The following GOLIM4 variants were observed in gnomAD, a reference collection of about 807,000 sequenced individuals.
GOLIM4 encodes 130 kDa golgi-localized phosphoprotein.
A neutral mutation model predicts 107.4 loss-of-function variants in GOLIM4; 71 were observed. The ratio of observed to expected loss-of-function variants is 0.66; its 90% CI spans 0.55 to 0.81. The LOEUF is 0.81. Among genes scored for constraint, GOLIM4 ranks in the 30% least tolerant of loss-of-function variants. GOLIM4 has a pLI of 0.00. For synonymous variants in GOLIM4, 327 were observed against 294.8 expected, an observed-to-expected ratio of 1.11 and a Z score of -1.12; for missense variants, 830 against 826.1, an observed-to-expected ratio of 1.00 and a Z score of -0.06.
At chr3:168,054,441 G>A (rs1024823729) in intron 1 of GOLIM4, among the ~76,000 whole-genome samples, 1 of 152,068 alleles carries the variant, frequency 6.6e-6, no homozygotes, top group Non-Finnish European at 1.5e-5. Context: ...CCAGGTATCT[G>A]AGCAACTAGC....
In GOLIM4 at chr3:168,027,775, G is replaced by A; in HGVS notation, c.1576C>T (p.Pro526Ser). 1 of 1,613,428 alleles carries A rather than the reference G, an allele frequency of 6.2e-7. No homozygotes were observed. The highest frequency in any genetic ancestry group is 1.1e-5 in the South Asian group (1 of 91,030). Residue 526 changes from proline (P) to serine (S), a missense_variant, in exon 12 of 16, where the codon CCT becomes TCT. Pro to Ser is a moderately conservative substitution (Grantham distance 74). Coordinates refer to ENST00000470487, the MANE Select transcript of GOLIM4 (RefSeq NM_014498.5). Reference sequence around the variant, plus strand: ...GCTTCTCGGGGTCCTTGTTCACGAGGCTCATGTCTATTACCTGGATCTCCT... The same window carrying A: ...GCTTCTCGGGGTCCTTGTTCACGAGACTCATGTCTATTACCTGGATCTCCT... ...AEGDPGNRHE[P>S]REQGPREADP...
intron 1 of GOLIM4, among the ~76,000 whole-genome samples, chr3:168,070,399 A>AAAAC (rs902124573): frequency 3.9e-5 from 6 of 152,204 alleles, no homozygotes; most frequent in Admixed American, 6.5e-5. Flanking sequence ...TCTCAAAAAC[A>AAAAC]AAACAAACAA....
intron 5 of GOLIM4, among the ~76,000 whole-genome samples, chr3:168,042,776 T>C (rs4464508): frequency 0.015 from 2,275 of 152,352 alleles, 41 homozygotes; most frequent in African/African-American, 0.048. Flanking sequence ...ACATGCTTTA[T>C]GTAAATTATT....
chr3:168,023,996 T>C (rs1372759454), intron 14 of GOLIM4, among the ~76,000 whole-genome samples: 1 of 152,220 alleles, frequency 6.6e-6, no homozygotes, highest in African/African-American at 2.4e-5. Context: ...TTACATCTTT[T>C]TCCTCCTCTT....
At chr3:168,042,780 AATT>A (rs1246826930) in intron 5 of GOLIM4, among the ~76,000 whole-genome samples, 1 of 152,202 alleles carries the variant, frequency 6.6e-6, no homozygotes, top group Non-Finnish European at 1.5e-5. Flanking sequence ...GCTTTATGTA[AATT>A]ATTTCTCACA....
At chr3:168,021,530 G>A (rs1164433393) in intron 14 of GOLIM4, among the ~76,000 whole-genome samples, 2 of 152,122 alleles carry the variant, frequency 1.3e-5, no homozygotes, top group Admixed American at 1.3e-4. Context: ...GCCGGGTATG[G>A]TGGCAGAAGT....
rs1380178798 is a variant in GOLIM4 at position 168,065,601 on chromosome 3, A to G, written c.188-17236T>C. Among the ~76,000 whole-genome samples, 3 of 152,358 alleles carry G rather than the reference A, an allele frequency of 2.0e-5. No individual in the cohort carries two copies. The Middle Eastern group carries it at 0.01, about 518-fold the overall frequency. On this transcript the variant is annotated intron_variant, in intron 1 of 15. Transcript: ENST00000470487. The stretch of plus-strand genomic sequence containing the variant: ...TGCCACTCTAATTGCAAATGGGTCT[A>G]ATGAGATGCTTGCTTGGTTTTCCTT...
At chr3:168,052,375 TACAC>T (rs761267772) in intron 1 of GOLIM4, among the ~76,000 whole-genome samples, 1 of 151,522 alleles carries the variant, frequency 6.6e-6, no homozygotes, top group Non-Finnish European at 1.5e-5. Context: ...TATATACACA[TACAC>T]ACACTCTCTC....
chr3:168,092,702 G>A (rs1305971097), intron 1 of GOLIM4, among the ~76,000 whole-genome samples: 1 of 152,100 alleles, frequency 6.6e-6, no homozygotes, highest in African/African-American at 2.4e-5. Flanking sequence ...CTATGCAGGT[G>A]GTACACAGTG....
At chr3:168,082,726 A>G (rs1235354638) in intron 1 of GOLIM4, among the ~76,000 whole-genome samples, 1 of 152,138 alleles carries the variant, frequency 6.6e-6, no homozygotes, top group Non-Finnish European at 1.5e-5. Context: ...TGTCAATATG[A>G]ATACCACCAA....
In GOLIM4 at chr3:168,053,082, A is replaced by T. The variant is rs78742787; in HGVS notation, c.188-4717T>A. ...GCAACCAGGAATGGAAAGAGGTTCT[A>T]TTCCCCCCAAAAGCACTCAGGAGTT... is the stretch of plus-strand genomic sequence containing the variant. On this transcript the variant is annotated intron_variant, in intron 1 of 15. Coordinates refer to ENST00000470487, the MANE Select transcript of GOLIM4 (RefSeq NM_014498.5). Among the ~76,000 whole-genome samples the T allele has an allele frequency of 2.0e-3, 309 of 152,322 alleles. 1 individual carries two copies. The highest frequency in any genetic ancestry group is 7.1e-3 in the African/African-American group (297 of 41,560).
chr3:168,029,257 T>C lies in GOLIM4; in HGVS notation c.1479A>G (p.Gly493=), dbSNP rs760479789. 6.2e-7 allele frequency: 1 copy of C among 1,611,086 alleles called. No individual in the cohort carries two copies. Among genetic ancestry groups the C allele is most frequent in the Non-Finnish European group, 8.5e-7 (1 of 1,177,882 alleles). ...CTCCTTGGATTCCCTGGTCCTCTGC[T>C]CCCTGAACGATATCATTATCCATAG... The part of the protein sequence containing the change: ...YDAMDNDIVQ[G]AEDQGIQGEE... The change falls in exon 11 of 16, where the codon GGA becomes GGG. Residue 493 remains glycine, a synonymous_variant. Coordinates refer to ENST00000470487, the MANE Select transcript of GOLIM4 (RefSeq NM_014498.5).
chr3:168,075,293 T>TTG (rs1721016713), intron 1 of GOLIM4, among the ~76,000 whole-genome samples: 5 of 82,956 alleles, frequency 6.0e-5, no homozygotes, highest in African/African-American at 2.4e-4. Context: ...CTAGTTTTTT[T>TTG]TTTTTTTTTT....
chr3:168,087,778 C>T (rs114456835), intron 1 of GOLIM4, among the ~76,000 whole-genome samples: 4 of 152,290 alleles, frequency 2.6e-5, no homozygotes, highest in Non-Finnish European at 5.9e-5. Flanking sequence ...AGTTAATTAA[C>T]CTCTCTAAGC....
intron 1 of GOLIM4, among the ~76,000 whole-genome samples, chr3:168,064,280 T>C (rs746543553): frequency 5.9e-5 from 9 of 152,244 alleles, no homozygotes; most frequent in Non-Finnish European, 1.2e-4. Context: ...TCAGCTTCTT[T>C]ATGATCTGCA....
At chr3:168,081,174 C>T (rs1182211158) in intron 1 of GOLIM4, among the ~76,000 whole-genome samples, 14 of 152,164 alleles carry the variant, frequency 9.2e-5, no homozygotes, top group Admixed American at 9.2e-4. Flanking sequence ...AGCCCAATCC[C>T]CTAATTCTGG....
At chr3:168,024,798 T>A (rs554985335) in intron 13 of GOLIM4, 130 bp downstream of exon 13, 1 of 922,658 alleles carries the variant, frequency 1.1e-6, no homozygotes, top group East Asian at 2.4e-5. Context: ...TATCATGTCA[T>A]AAAGTGGCCT....
rs376646142 is a variant in GOLIM4 at position 168,075,509 on chromosome 3, G to A, written c.187+19590C>T. ...GAGACGGGGTTTCACCGTTTTAGCC[G>A]GGATGGTCTCGATCTCCTGACCTCG... On this transcript the variant is annotated intron_variant, in intron 1 of 15. Coordinates refer to ENST00000470487, the MANE Select transcript of GOLIM4 (RefSeq NM_014498.5). Among the ~76,000 whole-genome samples the A allele has an allele frequency of 1.8e-4, 28 of 151,430 alleles. No homozygotes were observed. In the East Asian group the frequency reaches 3.7e-3, roughly 20 times the overall value.
At chr3:168,064,449 C>T (rs1344908110) in intron 1 of GOLIM4, among the ~76,000 whole-genome samples, 1 of 152,130 alleles carries the variant, frequency 6.6e-6, no homozygotes, top group African/African-American at 2.4e-5. Flanking sequence ...TTAATGGTTA[C>T]ATACCAAGAT....
Sources: gnomAD v4.1 joint callset for allele counts (sites outside exome capture counted in the v4.1 genomes callset) on GRCh38, gnomAD v4.1.1 for gene constraint, MANE v1.5 for transcripts, NCBI Gene and HGNC (gene_info 2026-07-23, HGNC 2026-07-21) for gene names.